The following NDUFA13 variants were observed in gnomAD, a reference collection of about 807,000 sequenced individuals.
The protein encoded by NDUFA13 is NADH dehydrogenase [ubiquinone] 1 alpha subcomplex subunit 13.
A neutral mutation model predicts 17.0 loss-of-function variants in NDUFA13; 16 were observed. That is an observed-to-expected ratio of 0.94 (90% confidence interval 0.64 to 1.43). NDUFA13 has a LOEUF of 1.43. Among genes scored for constraint, NDUFA13 ranks in the 40% most tolerant of loss-of-function variants. The probability of loss-of-function intolerance (pLI) is 0.00; values close to 1 mark genes in which losing one functional copy is unlikely to be tolerated. For missense variants in NDUFA13, 228 were observed against 206.7 expected (o/e 1.10, Z -0.63); for synonymous variants, 87 against 78.4 (o/e 1.11, Z -0.58).
chr19:19,517,072 C>T (rs1319617827), intron 1 of NDUFA13, among the ~76,000 whole-genome samples: 1 of 152,114 alleles, frequency 6.6e-6, no homozygotes, highest in Non-Finnish European at 1.5e-5. Context: ...CAGGCGTGAG[C>T]CACCATGCCC....
intron 2 of NDUFA13, chr19:19,526,491 G>C (rs1354699444): frequency 1.7e-6 from 1 of 587,528 alleles, no homozygotes; most frequent in African/African-American, 1.8e-5. Context: ...GCCAAGGTGG[G>C]AGCATTGCTT....
intron 2 of NDUFA13, chr19:19,526,826 T>G (rs1568360115): frequency 6.9e-6 from 2 of 291,216 alleles, no homozygotes; most frequent in Non-Finnish European, 1.3e-5. Flanking sequence ...TGGGGGTCAT[T>G]GCAGGGAACT....
chr19:19,527,206 C>G, intron 2 of NDUFA13, 75 bp from the exon 3 acceptor site: 2 of 1,524,268 alleles, frequency 1.3e-6, no homozygotes, highest in Non-Finnish European at 1.8e-6. Context: ...GCACCCTGGC[C>G]CCTGAGGTCT....
intron 1 of NDUFA13, among the ~76,000 whole-genome samples, chr19:19,518,648 G>A (rs917586941): frequency 2.0e-5 from 3 of 146,462 alleles, no homozygotes; most frequent in Non-Finnish European, 3.0e-5. Context: ...ACTGCAACCT[G>A]TGCCTCCCAG....
rs1420432508 is a variant in NDUFA13 at position 19,519,071 on chromosome 19, A to C, written c.94+2739A>C. 7.9e-5 allele frequency among the ~76,000 whole-genome samples: 5 copies of C among 63,222 alleles called. No homozygotes were observed. In the Admixed American group the frequency reaches 9.0e-4, roughly 11 times the overall value. The allele number at this position is 63,222 out of a possible 152,430, so 41.5% of individuals were successfully genotyped here. On this transcript the variant is annotated intron_variant, in intron 1 of 4. Transcript: ENST00000507754. ...TTTTTTTTTTTTTTTTTGTATTTTT[A>C]GTAGTGACAGGGTTTCACCATGTAG... is the stretch of plus-strand genomic sequence containing the variant.
intron 1 of NDUFA13, among the ~76,000 whole-genome samples, chr19:19,524,555 C>G (rs10419026): frequency 0.077 from 11,654 of 152,168 alleles, 1,519 homozygotes; most frequent in African/African-American, 0.27. Context: ...CACGGTGGCT[C>G]ACGCCTGTAA....
chr19:19,520,678 T>C (rs907007543), intron 1 of NDUFA13, among the ~76,000 whole-genome samples: 1 of 152,186 alleles, frequency 6.6e-6, no homozygotes, highest in Non-Finnish European at 1.5e-5. Flanking sequence ...TATTGATTTT[T>C]TAGTATATTC....
In NDUFA13 at chr19:19,528,152, TCCCTG is replaced by T. The variant is rs752044975; in HGVS notation, c.*30_*34del. 2 of 1,610,194 alleles carry T rather than the reference TCCCTG, an allele frequency of 1.2e-6. No homozygotes were observed. The highest frequency in any genetic ancestry group is 2.7e-5 in the African/African-American group (2 of 74,830). On this transcript the variant is annotated 3_prime_UTR_variant, in exon 5 of 5. Transcript: ENST00000507754. ...GCCCTGTGCCCTCCGGCCACCTGGA[TCCCTG>T]CCCCTCCCCACTGGGACGGAATAAA...
Position 19,519,045 on chromosome 19 carries a change from AT to A in NDUFA13, c.94+2730del, listed in dbSNP as rs71170693. Among the ~76,000 whole-genome samples the A allele has an allele frequency of 2.0e-3, 229 of 114,838 alleles. 2 individuals carry two copies. Among genetic ancestry groups the A allele is most frequent in the Admixed American group, 3.0e-3 (33 of 10,842 alleles). The allele number at this position is 114,838 out of a possible 152,430, so 75.3% of individuals were successfully genotyped here. ...AGGTGTGAGCCACTGGGCCCGGCCT[AT>A]TTTTTTTTTTTTTTTTGTATTTTTA... On this transcript the variant is annotated intron_variant, in intron 1 of 4. Transcript: ENST00000507754.
At position 19,527,314 on chromosome 19, in the gene NDUFA13, C is replaced by T. The variant is rs749948988; in HGVS notation, c.207C>T (p.Ile69=). The T allele has an allele frequency of 3.4e-5, 55 of 1,613,842 alleles. No individual in the cohort carries two copies. The East Asian group carries it at 9.1e-4, about 27-fold the overall frequency. Residue 69 remains isoleucine, a synonymous_variant, in exon 3 of 5, where the codon ATC becomes ATT. Transcript: ENST00000507754. Reference sequence around the variant, plus strand: ...AAATCGAGGACTTCGAGGCTCGCATCGCGCTGTTGCCACTGTTACAGGCAG... The same window carrying T: ...AAATCGAGGACTTCGAGGCTCGCATTGCGCTGTTGCCACTGTTACAGGCAG... ...RLQIEDFEAR[I]ALLPLLQAET...
intron 1 of NDUFA13, among the ~76,000 whole-genome samples, chr19:19,523,460 T>G (rs554501633): frequency 5.7e-4 from 86 of 151,844 alleles, no homozygotes; most frequent in Non-Finnish European, 1.0e-3. Flanking sequence ...TTTGTTTTTG[T>G]TTTTGGTTTT....
intron 2 of NDUFA13, among the ~76,000 whole-genome samples, chr19:19,526,893 A>G (rs1429060705): frequency 2.6e-5 from 4 of 152,108 alleles, no homozygotes; most frequent in Admixed American, 6.5e-5. Context: ...CGCCTGCCCC[A>G]GCCTCACACA....
intron 1 of NDUFA13, among the ~76,000 whole-genome samples, chr19:19,524,075 C>G (rs2061090062): frequency 7.4e-6 from 1 of 134,642 alleles, no homozygotes; most frequent in Non-Finnish European, 1.6e-5. Context: ...GATCCCACCA[C>G]TGCACTCCAG....
At position 19,523,653 on chromosome 19, in the gene NDUFA13, A is replaced by G. The variant is rs545973477; in HGVS notation, c.95-2529A>G. 2.0e-5 allele frequency among the ~76,000 whole-genome samples: 3 copies of G among 152,152 alleles called. No individual in the cohort carries two copies. The East Asian group carries it at 5.8e-4, about 29-fold the overall frequency. ...TAAAAATATGTATTTTGGGCCGGGC[A>G]TGGTGGCTCATGCCTGTAATCCTAG... On this transcript the variant is annotated intron_variant, in intron 1 of 4. Coordinates refer to ENST00000507754, the MANE Select transcript of NDUFA13 (RefSeq NM_015965.7).
intron 1 of NDUFA13, 143 bp from the exon 2 acceptor site, chr19:19,526,038 TG>T: frequency 6.6e-7 from 1 of 1,518,092 alleles, no homozygotes; most frequent in Non-Finnish European, 8.8e-7. Context: ...ACCCCTGGCA[TG>T]GGGGCAGAGG....
chr19:19,527,239 C>G, intron 2 of NDUFA13, 42 bp from the exon 3 acceptor site: 1 of 1,612,436 alleles, frequency 6.2e-7, no homozygotes, highest in Non-Finnish European at 8.5e-7. Flanking sequence ...CTCCCCCGAC[C>G]TAGCCTGGTC....
At chr19:19,527,162 G>GCCAACC in intron 2 of NDUFA13, 119 bp from the exon 3 acceptor site, 1 of 837,466 alleles carries the variant, frequency 1.2e-6, no homozygotes, top group Non-Finnish European at 1.8e-6. Context: ...CCCCCTGCCT[G>GCCAACC]CCTCCCCGCC....
Position 19,516,231 on chromosome 19 carries a change from C to T in NDUFA13, c.-8C>T, listed in dbSNP as rs1471355807. On this transcript the variant is annotated 5_prime_UTR_variant, in exon 1 of 5. Transcript: ENST00000507754. ...CGCCCGGGACCGGAAGTGTGGGATACTGCGAGTATGGCGGCGTCAAAGGTG... is the reference window on the plus strand; with the variant it reads ...CGCCCGGGACCGGAAGTGTGGGATATTGCGAGTATGGCGGCGTCAAAGGTG... 2.5e-6 allele frequency: 4 copies of T among 1,614,156 alleles called. No individual in the cohort carries two copies. Among genetic ancestry groups the T allele is most frequent in the Middle Eastern group, 1.6e-4 (1 of 6,062 alleles).
chr19:19,528,122 C>A lies in NDUFA13; in HGVS notation c.431C>A (p.Thr144Lys). 5.0e-6 allele frequency: 8 copies of A among 1,611,624 alleles called. No individual in the cohort carries two copies. The highest frequency in any genetic ancestry group is 6.8e-6 in the Non-Finnish European group (8 of 1,179,960). Residue 144 changes from threonine (T) to lysine (K), a missense_variant, in exon 5 of 5, where the codon ACG (threonine) becomes AAG (lysine). Thr to Lys is a moderately conservative substitution (Grantham distance 78, BLOSUM62 -1). Transcript: ENST00000507754. ...GCCAGCCACGGCTTCATGTGGTACACGTAGGCCCTGTGCCCTCCGGCCACC... is the reference window on the plus strand; with the variant it reads ...GCCAGCCACGGCTTCATGTGGTACAAGTAGGCCCTGTGCCCTCCGGCCACC... ...LHASHGFMWY[T>K]
Sources: gnomAD v4.1 joint callset for allele counts (sites outside exome capture counted in the v4.1 genomes callset) on GRCh38, gnomAD v4.1.1 for gene constraint, MANE v1.5 for transcripts, NCBI Gene and HGNC (gene_info 2026-07-23, HGNC 2026-07-21) for gene names.